PXDNL: variants seen among roughly 807,000 people sequenced by gnomAD.
PXDNL encodes the protein probable oxidoreductase PXDNL.
Under a neutral mutation model 150.8 loss-of-function variants are expected in PXDNL, and 145 were observed. That is an observed-to-expected ratio of 0.96 (90% CI 0.84 to 1.10). The LOEUF (loss-of-function observed/expected upper bound fraction) is 1.10. Among genes scored for constraint, PXDNL ranks in the 50% least tolerant of loss-of-function variants. PXDNL has a pLI of 0.00. For synonymous variants in PXDNL, 757 were observed against 725.7 expected (o/e 1.04, Z -0.69); for missense variants, 2,087 against 1,873.9 (o/e 1.11, Z -2.10).
At chr8:51,335,413 G>A (rs1805804475) in intron 21 of PXDNL, among the ~76,000 whole-genome samples, 1 of 152,062 alleles carries the variant, frequency 6.6e-6, no homozygotes, top group Admixed American at 6.6e-5. Context: ...ATAAAGGAGG[G>A]CTGGGCTTGG....
intron 1 of PXDNL, among the ~76,000 whole-genome samples, chr8:51,657,896 C>A (rs1188249383): frequency 6.6e-6 from 1 of 152,140 alleles, no homozygotes; most frequent in Non-Finnish European, 1.5e-5. Flanking sequence ...AGCTCTTCTG[C>A]CATAAAGACA....
chr8:51,581,786 A>G lies in PXDNL; in HGVS notation c.308+10841T>C, dbSNP rs144155099. On this transcript the variant is annotated intron_variant, in intron 3 of 22. Transcript: ENST00000356297. ...TTAAATCTTTCAAAAGATTTTGAGAAGGATTGGCATTAGTCCTTGAAATGT... is the reference window on the plus strand; with the variant it reads ...TTAAATCTTTCAAAAGATTTTGAGAGGGATTGGCATTAGTCCTTGAAATGT... 1.6e-3 allele frequency among the ~76,000 whole-genome samples: 245 copies of G among 152,270 alleles called. 3 individuals are homozygous for G. The highest frequency in any genetic ancestry group is 5.6e-3 in the African/African-American group (233 of 41,566).
rs767337055 is a variant in PXDNL at position 51,423,564 on chromosome 8, T to C, written c.1795+11A>G. On this transcript the variant is annotated intron_variant, in intron 14 of 22. Transcript: ENST00000356297. ...TATTTGGATGTTGTAAATGGAGCTA[T>C]AGACACCTACCCGTGACTGTAAGAA... The C allele has an allele frequency of 6.8e-6, 11 of 1,612,100 alleles. No homozygotes were observed. In the East Asian group the frequency reaches 1.3e-4, roughly 20 times the overall value.
chr8:51,411,693 T>TG (rs944644721), intron 15 of PXDNL, among the ~76,000 whole-genome samples: 7 of 152,084 alleles, frequency 4.6e-5, no homozygotes, highest in South Asian at 4.2e-4. Context: ...GGTTCTAAAC[T>TG]GGGGGGGTCG....
chr8:51,392,032 A>G (rs1807926407), intron 17 of PXDNL, among the ~76,000 whole-genome samples: 2 of 152,334 alleles, frequency 1.3e-5, no homozygotes, highest in South Asian at 2.1e-4. Context: ...CAGGCTTGTC[A>G]AAGATCAGAT....
chr8:51,746,942 T>G (rs967023238), intron 1 of PXDNL, among the ~76,000 whole-genome samples: 2 of 151,900 alleles, frequency 1.3e-5, no homozygotes, highest in Non-Finnish European at 2.9e-5. Context: ...AGGCTGGTCT[T>G]GAACTCCTGG....
chr8:51,602,380 T>A (rs1157143098), intron 2 of PXDNL, among the ~76,000 whole-genome samples: 3 of 150,554 alleles, frequency 2.0e-5, no homozygotes, highest in Admixed American at 6.7e-5. Flanking sequence ...ATTTAAACAT[T>A]TTCTTCCTTT....
chr8:51,562,427 T>A (rs923086107), intron 3 of PXDNL, among the ~76,000 whole-genome samples: 1 of 152,018 alleles, frequency 6.6e-6, no homozygotes, highest in African/African-American at 2.4e-5. Flanking sequence ...TAATAACTTA[T>A]ACGAATGAAA....
At chr8:51,788,404 C>G (rs960320486) in intron 1 of PXDNL, among the ~76,000 whole-genome samples, 1 of 152,146 alleles carries the variant, frequency 6.6e-6, no homozygotes, top group Admixed American at 6.5e-5. Flanking sequence ...GCAAAAGCCA[C>G]CACTCAATTG....
At chr8:51,752,257 G>C (rs1485222482) in intron 1 of PXDNL, among the ~76,000 whole-genome samples, 1 of 152,120 alleles carries the variant, frequency 6.6e-6, no homozygotes, top group Non-Finnish European at 1.5e-5. Context: ...CGGAGGTTTG[G>C]GGAGCTCTTT....
intron 17 of PXDNL, among the ~76,000 whole-genome samples, chr8:51,387,850 C>T (rs1022439629): frequency 2.0e-5 from 3 of 151,436 alleles, no homozygotes; most frequent in African/African-American, 7.3e-5. Context: ...AATATAATGC[C>T]CTATATTGAT....
At position 51,409,251 on chromosome 8, in the gene PXDNL, C is replaced by G. The variant is rs1233813509; in HGVS notation, c.2373G>C (p.Ala791=). The change falls in exon 17 of 23, where the codon GCG becomes GCC. Residue 791 remains alanine (A), a synonymous_variant. Transcript: ENST00000356297. ...TGTAGCTGTGGTCGGGGGTGACGGC[C>G]GCCGCGCGCGCCCACACTGTGGCGA... ...RLVATVWARA[A]AVTPDHSYTR... The G allele has an allele frequency of 1.3e-6, 2 of 1,494,280 alleles. No homozygotes were observed. The highest frequency in any genetic ancestry group is 1.8e-6 in the Non-Finnish European group (2 of 1,124,850). The allele number at this position is 1,494,280 out of a possible 1,614,324, so 92.6% of individuals were successfully genotyped here.
chr8:51,390,503 T>C (rs949956164), intron 17 of PXDNL, among the ~76,000 whole-genome samples: 1 of 152,204 alleles, frequency 6.6e-6, no homozygotes, highest in Non-Finnish European at 1.5e-5. Context: ...AGTACAAATA[T>C]TAATTCATAA....
chr8:51,490,336 T>G (rs1047106308), intron 5 of PXDNL, among the ~76,000 whole-genome samples: 2 of 152,148 alleles, frequency 1.3e-5, no homozygotes, highest in Non-Finnish European at 2.9e-5. Context: ...TATATACTTC[T>G]AATTGTTCAA....
At chr8:51,745,734 T>C (rs2036976690) in intron 1 of PXDNL, among the ~76,000 whole-genome samples, 1 of 149,096 alleles carries the variant, frequency 6.7e-6, no homozygotes, top group Admixed American at 6.7e-5. Flanking sequence ...CATGGCAACA[T>C]GAGAGGAATT....
intron 1 of PXDNL, among the ~76,000 whole-genome samples, chr8:51,698,431 T>A (rs1377813873): frequency 1.3e-5 from 2 of 152,224 alleles, no homozygotes; most frequent in Admixed American, 1.3e-4. Context: ...AAGAAGCAAG[T>A]CCTCATCCAT....
intron 3 of PXDNL, among the ~76,000 whole-genome samples, chr8:51,590,133 C>T (rs928126715): frequency 2.6e-5 from 4 of 152,096 alleles, no homozygotes; most frequent in Non-Finnish European, 5.9e-5. Flanking sequence ...CTCAGCCAAC[C>T]CCACCTATAG....
chr8:51,398,297 G>C (rs1808149756), intron 17 of PXDNL, among the ~76,000 whole-genome samples: 1 of 152,372 alleles, frequency 6.6e-6, no homozygotes. Context: ...GTTCCGGAAA[G>C]CTGAAGCAGC....
At chr8:51,804,711 T>C (rs913783432) in intron 1 of PXDNL, among the ~76,000 whole-genome samples, 1 of 152,138 alleles carries the variant, frequency 6.6e-6, no homozygotes, top group Non-Finnish European at 1.5e-5. Context: ...TACAGTAGGG[T>C]TGAAAGGCAG....
Sources: gnomAD v4.1 joint callset for allele counts (sites outside exome capture counted in the v4.1 genomes callset) on GRCh38, gnomAD v4.1.1 for gene constraint, MANE v1.5 for transcripts, NCBI Gene and HGNC (gene_info 2026-07-23, HGNC 2026-07-21) for gene names.